The following LIMCH1 variants were observed in gnomAD, a reference collection of about 807,000 sequenced individuals.
LIMCH1 encodes LIM and calponin homology domains-containing protein 1.
A neutral mutation model predicts 176.5 loss-of-function variants in LIMCH1; 113 were observed. The observed-to-expected ratio is 0.64, with a 90% CI of 0.55 to 0.75. LIMCH1 has a LOEUF of 0.75. LIMCH1 is among the 30% of genes least tolerant of loss of function. LIMCH1 has a pLI of 0.00. For synonymous variants in LIMCH1, 619 were observed against 645.9 expected, an observed-to-expected ratio of 0.96 and a Z score of 0.63; for missense variants, 1,674 against 1,814.9, an observed-to-expected ratio of 0.92 and a Z score of 1.41.
chr4:41,692,271 T>A lies in LIMCH1; in HGVS notation c.4276-11T>A, dbSNP rs772677855. ...ATGCATCTTATGATGTCTGTTCTTT[T>A]TACCCTATAGTGTGGAATTTGTAAA... On this transcript the variant is annotated splice_polypyrimidine_tract_variant and intron_variant, in intron 30 of 31. Coordinates refer to ENST00000503057, the MANE Select transcript of LIMCH1 (RefSeq NM_001330672.2). 1.9e-5 allele frequency: 29 copies of A among 1,543,498 alleles called. No individual in the cohort carries two copies. The highest frequency in any genetic ancestry group is 2.5e-5 in the Non-Finnish European group (28 of 1,115,960).
intron 1 of LIMCH1, among the ~76,000 whole-genome samples, chr4:41,375,764 T>G (rs2054670244): frequency 6.6e-6 from 1 of 152,258 alleles, no homozygotes; most frequent in African/African-American, 2.4e-5. Context: ...TGACCCAGAT[T>G]GGCACAGCGC....
At chr4:41,372,131 A>C (rs2054061938) in intron 1 of LIMCH1, among the ~76,000 whole-genome samples, 1 of 151,918 alleles carries the variant, frequency 6.6e-6, no homozygotes, top group African/African-American at 2.4e-5. Flanking sequence ...ATCTTTCTGC[A>C]TTTTCCTCTC....
chr4:41,423,524 G>A (rs1353824896), intron 1 of LIMCH1, among the ~76,000 whole-genome samples: 2 of 151,732 alleles, frequency 1.3e-5, no homozygotes, highest in Non-Finnish European at 2.9e-5. Flanking sequence ...GGGAGGGGAG[G>A]TGAGAAGCTA....
At position 41,668,874 on chromosome 4, in the gene LIMCH1, T is replaced by C. The variant is rs537564583; in HGVS notation, c.3397+2208T>C. Among the ~76,000 whole-genome samples, 36 of 152,292 alleles carry C rather than the reference T, an allele frequency of 2.4e-4. No homozygotes were observed. In the South Asian group the frequency reaches 4.8e-3, roughly 20 times the overall value. ...GTGGCCAGCAAAGAGAGAGCTTGTG[T>C]AGGGAAACTTCCCTTTATAAAACCA... On this transcript the variant is annotated intron_variant, in intron 21 of 31. Coordinates refer to ENST00000503057, the MANE Select transcript of LIMCH1 (RefSeq NM_001330672.2).
intron 1 of LIMCH1, among the ~76,000 whole-genome samples, chr4:41,385,102 G>A (rs550441379): frequency 6.6e-6 from 1 of 152,232 alleles, no homozygotes; most frequent in Admixed American, 6.5e-5. Flanking sequence ...GGAACATTCA[G>A]TTGTACTCTG....
intron 1 of LIMCH1, among the ~76,000 whole-genome samples, chr4:41,439,903 C>CA (rs951128585): frequency 4.0e-5 from 6 of 151,484 alleles, no homozygotes; most frequent in Admixed American, 6.6e-5. Flanking sequence ...AACTCCATCT[C>CA]AAAAAAAAGA....
Position 41,687,866 on chromosome 4 carries a change from C to T in LIMCH1, c.4115C>T (p.Ala1372Val). Residue 1372 changes from alanine to valine, a missense_variant, in exon 29 of 32, where the codon GCT becomes GTT. Transcript: ENST00000503057. ...RKKSPREHFQ[A>V]GPFSPCSPTP... Reference sequence around the variant, plus strand: ...AAAAGTCCCCGAGAGCACTTCCAGGCTGGGCCTTTCTCTCCCTGTTCTCCC... The same window carrying T: ...AAAAGTCCCCGAGAGCACTTCCAGGTTGGGCCTTTCTCTCCCTGTTCTCCC... 1.2e-6 allele frequency: 2 copies of T among 1,613,552 alleles called. No individual in the cohort carries two copies. The highest frequency in any genetic ancestry group is 1.1e-5 in the South Asian group (1 of 91,036).
Position 41,619,294 on chromosome 4 carries a change from A to T in LIMCH1, c.312A>T (p.Ala104=). The part of the protein sequence containing the change: ...RRTSHGEPKS[A]VPFNQYLPNK... Reference sequence around the variant, plus strand: ...CTTCCCATGGTGAGCCGAAATCAGCAGTGCCTTTTAACCAGTACCTCCCGA... The same window carrying T: ...CTTCCCATGGTGAGCCGAAATCAGCTGTGCCTTTTAACCAGTACCTCCCGA... The change falls in exon 6 of 32, where the codon GCA becomes GCT. Residue 104 remains alanine (A), a synonymous_variant. Coordinates refer to ENST00000503057, the MANE Select transcript of LIMCH1 (RefSeq NM_001330672.2). The T allele has an allele frequency of 6.2e-7, 1 of 1,614,246 alleles. No homozygotes were observed. The highest frequency in any genetic ancestry group is 1.1e-5 in the South Asian group (1 of 91,088).
intron 1 of LIMCH1, among the ~76,000 whole-genome samples, chr4:41,589,710 C>G (rs1222195552): frequency 2.6e-5 from 4 of 152,152 alleles, no homozygotes; most frequent in Non-Finnish European, 5.9e-5. Flanking sequence ...TCTGGGTTAG[C>G]CTCGCTCGTT....
At chr4:41,569,687 G>A (rs147827811) in intron 1 of LIMCH1, among the ~76,000 whole-genome samples, 27 of 152,268 alleles carry the variant, frequency 1.8e-4, no homozygotes, top group African/African-American at 6.5e-4. Context: ...TACTGGAGAT[G>A]CATTGTCAAA....
intron 22 of LIMCH1, among the ~76,000 whole-genome samples, chr4:41,675,011 A>G (rs1235506788): frequency 1.1e-4 from 16 of 152,176 alleles, no homozygotes; most frequent in Admixed American, 1.0e-3. Flanking sequence ...GGCAAGCAGG[A>G]AGCAATAAGC....
chr4:41,687,081 G>A (rs1323447827), intron 28 of LIMCH1, among the ~76,000 whole-genome samples: 2 of 152,154 alleles, frequency 1.3e-5, no homozygotes, highest in African/African-American at 4.8e-5. Flanking sequence ...TGCTGAAAGC[G>A]GAAGACACAT....
chr4:41,424,841 T>C (rs1185101044), intron 1 of LIMCH1, among the ~76,000 whole-genome samples: 2 of 152,220 alleles, frequency 1.3e-5, no homozygotes, highest in Non-Finnish European at 2.9e-5. Context: ...CAGCAGCTAT[T>C]GGTATCATTC....
At chr4:41,441,749 T>G (rs2062723405) in intron 1 of LIMCH1, among the ~76,000 whole-genome samples, 1 of 152,212 alleles carries the variant, frequency 6.6e-6, no homozygotes, top group Admixed American at 6.5e-5. Context: ...TTTTAACTTC[T>G]TAAAGATTGA....
intron 1 of LIMCH1, among the ~76,000 whole-genome samples, chr4:41,578,382 C>CA (rs1481403194): frequency 5.9e-5 from 9 of 152,174 alleles, no homozygotes; most frequent in African/African-American, 2.2e-4. Context: ...CCTCCCTTGA[C>CA]ATGTGACGAT....
intron 1 of LIMCH1, among the ~76,000 whole-genome samples, chr4:41,378,494 T>C (rs1472970641): frequency 1.3e-5 from 2 of 152,248 alleles, no homozygotes; most frequent in African/African-American, 4.8e-5. Flanking sequence ...TGGCTGCTGT[T>C]AGTATTTTTT....
intron 1 of LIMCH1, among the ~76,000 whole-genome samples, chr4:41,586,722 G>A (rs1374852194): frequency 6.6e-6 from 1 of 152,158 alleles, no homozygotes; most frequent in African/African-American, 2.4e-5. Flanking sequence ...TAATTTTTTG[G>A]AGGGATAGAT....
chr4:41,626,889 C>G lies in LIMCH1; in HGVS notation c.907C>G (p.Pro303Ala). ...GAGAGCAAGGATGAACCAAACCAAG[C>G]CAATGGTGCCATTAAATCAACTCCT... The part of the protein sequence containing the change: ...ARRARMNQTK[P>A]MVPLNQLLYG... The change falls in exon 8 of 32, where the codon CCA (proline) becomes GCA (alanine). Residue 303 changes from proline (P) to alanine (A), a missense_variant. Around this residue, in one of 3 missense-constraint regions of LIMCH1, gnomAD observed 655 missense variants for 692.2 expected, o/e 0.95. Transcript: ENST00000503057. The G allele has an allele frequency of 3.3e-6, 5 of 1,536,086 alleles. No homozygotes were observed. The highest frequency in any genetic ancestry group is 3.5e-6 in the Non-Finnish European group (4 of 1,146,904).
chr4:41,654,009 T>C (rs780537329), intron 18 of LIMCH1, among the ~76,000 whole-genome samples: 2 of 152,168 alleles, frequency 1.3e-5, no homozygotes, highest in Non-Finnish European at 2.9e-5. Context: ...TAAATATGAA[T>C]TAAGGACCTA....
Sources: gnomAD v4.1 joint callset for allele counts (sites outside exome capture counted in the v4.1 genomes callset) on GRCh38, gnomAD v4.1.1 for gene constraint, gnomAD v4.1.1 regional missense constraint, MANE v1.5 for transcripts, NCBI Gene and HGNC (gene_info 2026-07-23, HGNC 2026-07-21) for gene names.